FMN1: variants seen among roughly 807,000 people sequenced by gnomAD.
The protein encoded by FMN1 is formin-1.
In FMN1, 110 loss-of-function variants were observed where a neutral mutation model predicts 132.4. That is an observed-to-expected ratio of 0.83 (90% confidence interval 0.71 to 0.97). The LOEUF (loss-of-function observed/expected upper bound fraction) is 0.97, where lower values mean the gene tolerates loss of function less well. FMN1 is among the 50% of genes least tolerant of loss of function. FMN1 has a pLI of 0.00. For synonymous variants in FMN1, 722 were observed against 651.7 expected (o/e 1.11, Z -1.64); for missense variants, 1,792 against 1,705.3 (o/e 1.05, Z -0.90).
chr15:33,067,582 C>G, intron 5 of FMN1: 5 of 1,613,984 alleles, frequency 3.1e-6, no homozygotes, highest in Non-Finnish European at 4.2e-6. Flanking sequence ...CTGATTCTGT[C>G]TCCACGCTTG....
intron 17 of FMN1, among the ~76,000 whole-genome samples, chr15:32,831,437 G>A (rs2058498876): frequency 1.3e-5 from 2 of 152,060 alleles, no homozygotes; most frequent in South Asian, 2.1e-4. Context: ...AAACAGGTGG[G>A]GCTTGATGGC....
chr15:33,020,321 A>ACCC (rs561554328), intron 6 of FMN1, among the ~76,000 whole-genome samples: 1 of 146,824 alleles, frequency 6.8e-6, no homozygotes, highest in Admixed American at 6.8e-5. Context: ...TGGGAAACCG[A>ACCC]CCCCCCCAAC....
At chr15:32,950,399 A>C (rs188818978) in intron 9 of FMN1, among the ~76,000 whole-genome samples, 38 of 152,174 alleles carry the variant, frequency 2.5e-4, no homozygotes, top group Admixed American at 5.2e-4. Context: ...ATGTTCATTA[A>C]AACACCATTC....
chr15:32,883,985 G>A (rs1434035838), intron 16 of FMN1, among the ~76,000 whole-genome samples: 4 of 152,092 alleles, frequency 2.6e-5, no homozygotes, highest in African/African-American at 9.7e-5. Context: ...ATATTTTTAG[G>A]TGCTACTATT....
chr15:33,000,245 C>A (rs893744620), intron 7 of FMN1, among the ~76,000 whole-genome samples: 10 of 151,980 alleles, frequency 6.6e-5, no homozygotes, highest in African/African-American at 2.4e-4. Context: ...GTCAGGAGAT[C>A]AAGACTATGC....
chr15:33,160,638 A>G (rs751545949), intron 3 of FMN1, among the ~76,000 whole-genome samples: 2 of 152,206 alleles, frequency 1.3e-5, no homozygotes, highest in African/African-American at 2.4e-5. Context: ...AGTTCACAGG[A>G]CTATTTCAAA....
intron 16 of FMN1, among the ~76,000 whole-genome samples, chr15:32,874,019 T>G (rs76370035): frequency 1.4e-5 from 2 of 138,254 alleles, no homozygotes; most frequent in Non-Finnish European, 3.0e-5. Context: ...TTTTAGTTGT[T>G]TTTTTTTTTT....
At chr15:33,057,901 GCT>G (rs1197939674) in intron 6 of FMN1, among the ~76,000 whole-genome samples, 1 of 152,090 alleles carries the variant, frequency 6.6e-6, no homozygotes, top group Non-Finnish European at 1.5e-5. Flanking sequence ...GAAAGAGTGT[GCT>G]CTATTTGCTG....
chr15:32,806,442 C>T (rs1369467173), intron 17 of FMN1, among the ~76,000 whole-genome samples: 1 of 152,242 alleles, frequency 6.6e-6, no homozygotes, highest in Non-Finnish European at 1.5e-5. Context: ...ATAATGTGTG[C>T]TCAATATAGG....
intron 7 of FMN1, among the ~76,000 whole-genome samples, chr15:33,004,812 A>C (rs890212105): frequency 3.9e-5 from 6 of 152,176 alleles, no homozygotes; most frequent in African/African-American, 1.2e-4. Context: ...TGATAGACTG[A>C]ATTAAGAAAA....
Position 33,154,003 on chromosome 15 carries a change from C to G in FMN1, c.912G>C (p.Lys304Asn), listed in dbSNP as rs768047375. 18 of 1,536,624 alleles carry G rather than the reference C, an allele frequency of 1.2e-5. No individual in the cohort carries two copies. The highest frequency in any genetic ancestry group is 1.5e-5 in the Non-Finnish European group (17 of 1,147,036). The stretch of plus-strand genomic sequence containing the variant: ...TCTCATCCTTTTCTGCCTCTGGATG[C>G]TTCTCAGGGTCCTGGTGACTTTCAG... ...GLSESHQDPE[K>N]HPEAEKDEME... Residue 304 changes from lysine (K) to asparagine (N), a missense_variant, in exon 4 of 21, where the codon AAG becomes AAC. This residue lies in a region of FMN1 where 638 missense variants were observed against 645.2 expected (regional missense o/e 0.99). Transcript: ENST00000616417.
At chr15:32,921,536 T>G (rs2060822134) in intron 10 of FMN1, among the ~76,000 whole-genome samples, 2 of 152,192 alleles carry the variant, frequency 1.3e-5, no homozygotes, top group Non-Finnish European at 2.9e-5. Flanking sequence ...TTGTCCCCAT[T>G]ACTGATGCAA....
At chr15:32,950,058 T>TATATATATATATATACAC (rs1567449859) in intron 9 of FMN1, among the ~76,000 whole-genome samples, 1 of 78,000 alleles carries the variant, frequency 1.3e-5, no homozygotes, top group African/African-American at 5.8e-5. Flanking sequence ...TATACACATA[T>TATATATATATATATACAC]ATATATATAT....
intron 5 of FMN1, chr15:33,066,835 G>C: frequency 6.2e-7 from 1 of 1,613,990 alleles, no homozygotes; most frequent in Non-Finnish European, 8.5e-7. Flanking sequence ...GCATGTCAAT[G>C]TTGAGCAGCA....
chr15:32,823,166 T>TG (rs1316815352), intron 17 of FMN1, among the ~76,000 whole-genome samples: 19,771 of 100,016 alleles, frequency 0.2, 1,722 homozygotes, highest in East Asian at 0.54. Context: ...TTTTTTTTTT[T>TG]TTTTTTTTTT....
chr15:32,786,077 C>T (rs2056867959), intron 19 of FMN1, among the ~76,000 whole-genome samples: 1 of 152,126 alleles, frequency 6.6e-6, no homozygotes, highest in South Asian at 2.1e-4. Flanking sequence ...GAAATGTCCA[C>T]GTTCCCTAAA....
At chr15:33,069,858 T>C (rs184942415) in intron 5 of FMN1, among the ~76,000 whole-genome samples, 202 of 152,188 alleles carry the variant, frequency 1.3e-3, no homozygotes, top group Non-Finnish European at 1.1e-3. Context: ...TGCAGAAAAA[T>C]TCAATGGTGT....
chr15:33,013,498 G>A (rs1449291650), intron 6 of FMN1, among the ~76,000 whole-genome samples: 1 of 152,116 alleles, frequency 6.6e-6, no homozygotes, highest in Admixed American at 6.5e-5. Context: ...GTTGGGTTGT[G>A]ATTGAGCAAG....
intron 4 of FMN1, among the ~76,000 whole-genome samples, chr15:33,116,112 T>G (rs2039914159): frequency 6.6e-6 from 1 of 152,224 alleles, no homozygotes; most frequent in Non-Finnish European, 1.5e-5. Context: ...GCTATGTCCC[T>G]GGCATTTGGA....
Sources: gnomAD v4.1 joint callset for allele counts (sites outside exome capture counted in the v4.1 genomes callset) on GRCh38, gnomAD v4.1.1 for gene constraint, gnomAD v4.1.1 regional missense constraint, MANE v1.5 for transcripts, NCBI Gene and HGNC (gene_info 2026-07-23, HGNC 2026-07-21) for gene names.